Variants in CSMD1 observed in about 807,000 individuals in gnomAD.
CSMD1 encodes the protein CUB and sushi domain-containing protein 1.
In CSMD1, 213 loss-of-function variants were observed where a neutral mutation model predicts 417.5. The observed-to-expected ratio is 0.51, with a 90% CI of 0.46 to 0.57. CSMD1 has a LOEUF of 0.57. CSMD1 is among the 20% of genes least tolerant of loss of function. The pLI, the probability that CSMD1 is intolerant of heterozygous loss-of-function variation, is 0.00. For missense variants in CSMD1, 6,923 were observed against 4,529.7 expected (o/e 1.53, Z -15.17); for synonymous variants, 2,862 against 1,736.8 (o/e 1.65, Z -16.11).
chr8:3,464,484 A>G lies in CSMD1; in HGVS notation c.1561+4228T>C, dbSNP rs556297476. On this transcript the variant is annotated intron_variant, in intron 12 of 69. Coordinates refer to ENST00000635120, the MANE Select transcript of CSMD1 (RefSeq NM_033225.6). Reference sequence around the variant, plus strand: ...TATTTTATTTTCAAATATAAAATGGAGAAACTATGCCCCGGACTCACATTA... The same window carrying G: ...TATTTTATTTTCAAATATAAAATGGGGAAACTATGCCCCGGACTCACATTA... Among the ~76,000 whole-genome samples, 123 of 151,932 alleles carry G rather than the reference A, an allele frequency of 8.1e-4. No individual in the cohort carries two copies. In the South Asian group the frequency reaches 0.016, roughly 19 times the overall value.
intron 1 of CSMD1, among the ~76,000 whole-genome samples, chr8:4,949,605 A>T (rs1485539407): frequency 1.3e-5 from 2 of 152,168 alleles, no homozygotes; most frequent in African/African-American, 4.8e-5. Context: ...ATGCCCAGTC[A>T]ATTGCCCTTC....
chr8:4,352,306 ACTAT>A (rs1801145516), intron 3 of CSMD1, among the ~76,000 whole-genome samples: 1 of 152,230 alleles, frequency 6.6e-6, no homozygotes, highest in East Asian at 1.9e-4. Context: ...AGAAAATAGA[ACTAT>A]CTATGCCATC....
At chr8:4,881,464 T>TA (rs35453090) in intron 1 of CSMD1, among the ~76,000 whole-genome samples, 98 of 140,034 alleles carry the variant, frequency 7.0e-4, no homozygotes, top group African/African-American at 2.1e-3. Flanking sequence ...TCTATCTATC[T>TA]TGTCTCCCTA....
chr8:4,784,183 C>A (rs1439183369), intron 1 of CSMD1, among the ~76,000 whole-genome samples: 1 of 152,166 alleles, frequency 6.6e-6, no homozygotes, highest in Non-Finnish European at 1.5e-5. Context: ...AAAGTTTGTT[C>A]TTACAAAATG....
At chr8:4,259,802 T>C (rs1585114910) in intron 3 of CSMD1, among the ~76,000 whole-genome samples, 1 of 152,182 alleles carries the variant, frequency 6.6e-6, no homozygotes, top group East Asian at 1.9e-4. Context: ...GTAAATAATA[T>C]AAAGCTATTA....
chr8:3,753,162 A>T (rs1186697755), intron 6 of CSMD1, among the ~76,000 whole-genome samples: 1 of 152,164 alleles, frequency 6.6e-6, no homozygotes, highest in African/African-American at 2.4e-5. Flanking sequence ...CAACGTTCTC[A>T]TCGTCACAAT....
intron 2 of CSMD1, among the ~76,000 whole-genome samples, chr8:4,426,408 T>A (rs1165738385): frequency 1.3e-5 from 2 of 149,244 alleles, no homozygotes; most frequent in Non-Finnish European, 3.0e-5. Context: ...TTTTATATAC[T>A]ATATATACAA....
intron 1 of CSMD1, among the ~76,000 whole-genome samples, chr8:4,682,106 C>T (rs1806087974): frequency 6.6e-6 from 1 of 152,144 alleles, no homozygotes; most frequent in Non-Finnish European, 1.5e-5. Flanking sequence ...GCAACCTCCG[C>T]CTCCTGGGCT....
At chr8:3,483,635 G>A (rs190823848) in intron 11 of CSMD1, among the ~76,000 whole-genome samples, 1,977 of 152,120 alleles carry the variant, frequency 0.013, 18 homozygotes, top group Non-Finnish European at 0.021. Context: ...ATCTTATAAT[G>A]AAGATAGTAT....
At chr8:3,424,293 G>A (rs1294661841) in intron 12 of CSMD1, among the ~76,000 whole-genome samples, 1 of 152,142 alleles carries the variant, frequency 6.6e-6, no homozygotes, top group Non-Finnish European at 1.5e-5. Context: ...GTATTGCCTA[G>A]TTTAGTCTAT....
At chr8:4,146,665 G>A (rs1023624258) in intron 3 of CSMD1, among the ~76,000 whole-genome samples, 28 of 130,468 alleles carry the variant, frequency 2.1e-4, no homozygotes, top group African/African-American at 7.5e-4. Context: ...AGGCTGGAGC[G>A]CAGTGGTGTG....
intron 40 of CSMD1, among the ~76,000 whole-genome samples, chr8:3,146,164 T>C (rs940676105): frequency 6.6e-6 from 1 of 152,196 alleles, no homozygotes; most frequent in Non-Finnish European, 1.5e-5. Context: ...GTGTGCACTA[T>C]TAGTGCAGTA....
chr8:3,460,233 C>G (rs1206634184), intron 12 of CSMD1, among the ~76,000 whole-genome samples: 2 of 152,044 alleles, frequency 1.3e-5, no homozygotes, highest in Non-Finnish European at 2.9e-5. Flanking sequence ...AAATGATCTA[C>G]ATGGTGAGTC....
At chr8:4,721,002 T>G (rs1361529973) in intron 1 of CSMD1, among the ~76,000 whole-genome samples, 2 of 152,166 alleles carry the variant, frequency 1.3e-5, no homozygotes, top group African/African-American at 4.8e-5. Flanking sequence ...GAATGGAATT[T>G]AAATAAACAG....
chr8:3,786,849 A>G (rs1309610487), intron 5 of CSMD1, among the ~76,000 whole-genome samples: 1 of 152,106 alleles, frequency 6.6e-6, no homozygotes, highest in African/African-American at 2.4e-5. Flanking sequence ...TTATAAAGGC[A>G]CTAATCACAT....
In CSMD1 at chr8:3,757,427, A is replaced by AT. The variant is rs894521092; in HGVS notation, c.819-3386dup. On this transcript the variant is annotated intron_variant, in intron 5 of 69. Coordinates refer to ENST00000635120, the MANE Select transcript of CSMD1 (RefSeq NM_033225.6). ...ACACTGAGATTTTAATTTTTATACA[A>AT]TTTTTTTGTGTCACAAAATAGTTAC... Among the ~76,000 whole-genome samples the AT allele has an allele frequency of 9.2e-5, 14 of 152,180 alleles. No homozygotes were observed. The South Asian group carries it at 1.2e-3, about 14-fold the overall frequency.
intron 1 of CSMD1, among the ~76,000 whole-genome samples, chr8:4,968,332 G>T (rs184416071): frequency 1.3e-5 from 2 of 151,894 alleles, no homozygotes; most frequent in African/African-American, 4.8e-5. Context: ...TCACAAGATT[G>T]TGTCACCATC....
intron 25 of CSMD1, among the ~76,000 whole-genome samples, chr8:3,295,863 T>G (rs1310225400): frequency 1.3e-5 from 2 of 152,202 alleles, no homozygotes; most frequent in African/African-American, 4.8e-5. Context: ...ACGTTCCCTT[T>G]TTGATTTAGT....
At chr8:4,765,480 T>C (rs555046386) in intron 1 of CSMD1, among the ~76,000 whole-genome samples, 1 of 152,250 alleles carries the variant, frequency 6.6e-6, no homozygotes, top group Admixed American at 6.5e-5. Flanking sequence ...AAAAAGTGTT[T>C]GCAGATGCCT....
Sources: allele counts gnomAD v4.1 joint callset (sites outside exome capture counted in the v4.1 genomes callset), GRCh38; gene constraint gnomAD v4.1.1; transcripts MANE v1.5; gene names NCBI Gene and HGNC (gene_info 2026-07-23, HGNC 2026-07-21).